Variants in SPINT2 observed in about 807,000 individuals in gnomAD.
SPINT2 encodes the protein serine peptidase inhibitor, Kunitz type 2.
In SPINT2, 18 loss-of-function variants were observed where a neutral mutation model predicts 30.1. That is an observed-to-expected ratio of 0.60 (90% CI 0.41 to 0.89). SPINT2 has a LOEUF of 0.89. Ranked by LOEUF, SPINT2 falls within the 40% of genes least tolerant of loss-of-function variation. SPINT2 has a pLI of 0.00. For missense variants in SPINT2, 276 were observed against 334.3 expected (o/e 0.83, Z 1.36); for synonymous variants, 139 against 137.9 (o/e 1.01, Z -0.05).
intron 1 of SPINT2, among the ~76,000 whole-genome samples, chr19:38,266,410 T>C (rs1369971542): frequency 6.7e-6 from 1 of 150,310 alleles, no homozygotes; most frequent in African/African-American, 2.4e-5. Context: ...GTGATGTGGC[T>C]CATGCCTGTA....
intron 1 of SPINT2, among the ~76,000 whole-genome samples, chr19:38,266,300 C>T (rs947034048): frequency 1.3e-5 from 2 of 151,342 alleles, no homozygotes; most frequent in African/African-American, 2.4e-5. Flanking sequence ...TGCTTGAACC[C>T]GGGAGGCGGA....
intron 3 of SPINT2, 72 bp from the exon 4 acceptor site, chr19:38,289,066 C>G (rs897989444): frequency 6.9e-7 from 1 of 1,453,404 alleles, no homozygotes; most frequent in Admixed American, 1.7e-5. Flanking sequence ...TGGGCCCTTC[C>G]AGACCCAGAC....
chr19:38,274,229 A>G (rs2146268805), intron 1 of SPINT2, among the ~76,000 whole-genome samples: 1 of 152,102 alleles, frequency 6.6e-6, no homozygotes, highest in Non-Finnish European at 1.5e-5. Flanking sequence ...CTGTCTCAAA[A>G]AAAAAAAGAA....
chr19:38,271,500 A>T (rs1172579476), intron 1 of SPINT2, among the ~76,000 whole-genome samples: 1 of 150,054 alleles, frequency 6.7e-6, no homozygotes, highest in Non-Finnish European at 1.5e-5. Flanking sequence ...AAAAAAAAAA[A>T]AAATGTTATG....
chr19:38,275,674 C>T (rs1174759822), intron 1 of SPINT2, among the ~76,000 whole-genome samples: 3 of 152,074 alleles, frequency 2.0e-5, no homozygotes, highest in African/African-American at 7.2e-5. Context: ...CCTCCTGCCT[C>T]GGCCTCCCAA....
intron 1 of SPINT2, among the ~76,000 whole-genome samples, chr19:38,280,370 T>C (rs1004000534): frequency 2.0e-5 from 3 of 152,202 alleles, no homozygotes; most frequent in Non-Finnish European, 4.4e-5. Flanking sequence ...TCGTGTTCCA[T>C]TGATGCTTGC....
intron 2 of SPINT2, among the ~76,000 whole-genome samples, chr19:38,285,136 C>T (rs536722733): frequency 3.3e-5 from 5 of 152,242 alleles, no homozygotes; most frequent in Admixed American, 2.6e-4. Flanking sequence ...CCCTCACCTG[C>T]GAGGAGTTCT....
intron 2 of SPINT2, among the ~76,000 whole-genome samples, chr19:38,284,589 C>T (rs1355549724): frequency 6.6e-6 from 1 of 152,190 alleles, no homozygotes; most frequent in Admixed American, 6.5e-5. Flanking sequence ...AGCAAAACAA[C>T]AGGGCAGAGC....
intron 1 of SPINT2, among the ~76,000 whole-genome samples, chr19:38,269,242 C>T (rs930850677): frequency 4.6e-5 from 7 of 151,534 alleles, no homozygotes; most frequent in South Asian, 2.1e-4. Flanking sequence ...GGACTACAGG[C>T]GCCCGCCACC....
intron 1 of SPINT2, among the ~76,000 whole-genome samples, chr19:38,267,899 G>A (rs558921167): frequency 6.6e-6 from 1 of 152,224 alleles, no homozygotes; most frequent in Admixed American, 6.5e-5. Context: ...GGTGGAGGGA[G>A]AACAGTCCAG....
Position 38,290,695 on chromosome 19 carries a change from A to G in SPINT2, c.592+120A>G, listed in dbSNP as rs757807848. 9 of 1,350,950 alleles carry G rather than the reference A, an allele frequency of 6.7e-6. No homozygotes were observed. The South Asian group carries it at 1.0e-4, about 15-fold the overall frequency. The allele number at this position is 1,350,950 out of a possible 1,614,324, so 83.7% of individuals were successfully genotyped here. On this transcript the variant is annotated intron_variant, in intron 6 of 6. Coordinates refer to ENST00000301244, the MANE Select transcript of SPINT2 (RefSeq NM_021102.4). This position sits in a 1 kb window ranked among gnomAD's most constrained non-coding sequence, Gnocchi z 4.3. ...CACTGTGAACATCATCTTGGCAGAA[A>G]GTCATGTTTCTGCGTGAGAATGGCG...
At chr19:38,279,437 C>T (rs183125095) in intron 1 of SPINT2, among the ~76,000 whole-genome samples, 103 of 151,722 alleles carry the variant, frequency 6.8e-4, no homozygotes, top group Non-Finnish European at 1.4e-3. Flanking sequence ...GTGGAGGTTG[C>T]AGTGAGCCGA....
At chr19:38,268,760 C>CGT (rs765952659) in intron 1 of SPINT2, among the ~76,000 whole-genome samples, 225 of 126,038 alleles carry the variant, frequency 1.8e-3, no homozygotes, top group African/African-American at 5.1e-3. Context: ...AGAGCATGCG[C>CGT]GCGCGCGTGT....
At chr19:38,289,499 A>AAAAAAAAAAACAAAAAAAAAAC (rs1968687179) in intron 4 of SPINT2, 1 of 237,560 alleles carries the variant, frequency 4.2e-6, no homozygotes, top group Non-Finnish European at 8.3e-6. Flanking sequence ...AAAAAAAAAA[A>AAAAAAAAAAACAAAAAAAAAAC]AAAAAAAAAA....
intron 2 of SPINT2, among the ~76,000 whole-genome samples, chr19:38,286,093 G>A (rs980743663): frequency 6.6e-6 from 1 of 152,172 alleles, no homozygotes; most frequent in South Asian, 2.1e-4. Flanking sequence ...TGCAATGTGT[G>A]TCTCTCGAGG....
At chr19:38,282,208 A>G (rs1055881516) in intron 1 of SPINT2, among the ~76,000 whole-genome samples, 1 of 152,224 alleles carries the variant, frequency 6.6e-6, no homozygotes, top group Non-Finnish European at 1.5e-5. Context: ...GGGAGACACA[A>G]CAGAAGATAT....
At chr19:38,268,273 A>C (rs1023795109) in intron 1 of SPINT2, among the ~76,000 whole-genome samples, 1 of 152,108 alleles carries the variant, frequency 6.6e-6, no homozygotes, top group Admixed American at 6.6e-5. Flanking sequence ...CTCTGCAGAC[A>C]GAGGTGGGGG....
intron 1 of SPINT2, 150 bp downstream of exon 1, chr19:38,265,148 T>C (rs1600328158): frequency 9.9e-6 from 7 of 709,260 alleles, no homozygotes; most frequent in Non-Finnish European, 1.4e-5. Context: ...CCCTGGAGGA[T>C]TGAGCCTTGA....
chr19:38,266,537 A>G (rs1968381205), intron 1 of SPINT2, among the ~76,000 whole-genome samples: 1 of 152,046 alleles, frequency 6.6e-6, no homozygotes, highest in African/African-American at 2.4e-5. Flanking sequence ...TTAGCTGGGC[A>G]TGGTGGTGCA....
Sources: allele counts gnomAD v4.1 joint callset (sites outside exome capture counted in the v4.1 genomes callset), GRCh38; gene constraint gnomAD v4.1.1; non-coding constraint Gnocchi (gnomAD v3.1); transcripts MANE v1.5; gene names NCBI Gene and HGNC (gene_info 2026-07-23, HGNC 2026-07-21).